PRKG1: variants seen among roughly 807,000 people sequenced by gnomAD.
PRKG1 encodes protein kinase cGMP-dependent 1.
PRKG1 carries 35 observed loss-of-function variants against 88.1 expected under a neutral mutation model. That is an observed-to-expected ratio of 0.40 (90% CI 0.30 to 0.53). The LOEUF is 0.53. Among genes scored for constraint, PRKG1 ranks in the 20% least tolerant of loss-of-function variants. The pLI, the probability that PRKG1 is intolerant of heterozygous loss-of-function variation, is 0.59. For missense variants in PRKG1, 540 were observed against 839.8 expected, an observed-to-expected ratio of 0.64 and a Z score of 4.41; for synonymous variants, 303 against 292.5, an observed-to-expected ratio of 1.04 and a Z score of -0.37.
chr10:51,716,822 G>A (rs1398289825), intron 3 of PRKG1, among the ~76,000 whole-genome samples: 1 of 152,026 alleles, frequency 6.6e-6, no homozygotes, highest in Non-Finnish European at 1.5e-5. Context: ...CCTCCCAAGT[G>A]ACTGGGATTA....
At chr10:52,060,477 C>G (rs1375918532) in intron 6 of PRKG1, among the ~76,000 whole-genome samples, 3 of 151,572 alleles carry the variant, frequency 2.0e-5, no homozygotes, top group Non-Finnish European at 4.4e-5. Flanking sequence ...GAATGAACAA[C>G]AACAAAAATA....
chr10:52,229,225 G>T (rs1156324897), intron 9 of PRKG1, among the ~76,000 whole-genome samples: 2 of 152,148 alleles, frequency 1.3e-5, no homozygotes, highest in Non-Finnish European at 2.9e-5. Context: ...CATTATAAAA[G>T]ACCTTTTTAT....
rs141536801 is a variant in PRKG1, at chr10:51,730,253, A to C, written c.593-74332A>C. ...TCTCAACCTAGAGCACTAATAGTTAAAGTTTGGTAGCCTCAAGCCTTTGCA... is the reference window on the plus strand; with the variant it reads ...TCTCAACCTAGAGCACTAATAGTTACAGTTTGGTAGCCTCAAGCCTTTGCA... On this transcript the variant is annotated intron_variant, in intron 3 of 17. Transcript: ENST00000373980. Among the ~76,000 whole-genome samples the C allele has an allele frequency of 4.7e-4, 72 of 152,294 alleles. 1 individual carries two copies. The East Asian group carries it at 0.012, about 26-fold the overall frequency.
At chr10:51,390,776 C>T (rs973168043) in intron 2 of PRKG1, among the ~76,000 whole-genome samples, 5 of 152,064 alleles carry the variant, frequency 3.3e-5, no homozygotes, top group Non-Finnish European at 5.9e-5. Flanking sequence ...ATTATTACCA[C>T]GTATAATTTT....
intron 2 of PRKG1, among the ~76,000 whole-genome samples, chr10:51,232,509 G>A (rs1838870879): frequency 6.6e-6 from 1 of 151,840 alleles, no homozygotes; most frequent in Non-Finnish European, 1.5e-5. Flanking sequence ...AATTTCTCAA[G>A]CCCTATAACA....
At chr10:52,075,340 G>A (rs922672907) in intron 7 of PRKG1, among the ~76,000 whole-genome samples, 8 of 152,128 alleles carry the variant, frequency 5.3e-5, no homozygotes, top group Admixed American at 2.6e-4. Context: ...TACGCTCACC[G>A]CAATCCCAAT....
intron 5 of PRKG1, among the ~76,000 whole-genome samples, chr10:52,034,394 T>A (rs1845551979): frequency 1.5e-5 from 2 of 137,594 alleles, no homozygotes; most frequent in Non-Finnish European, 1.6e-5. Flanking sequence ...GGCCTTGTGG[T>A]AAGGGGTGAT....
At chr10:51,944,423 T>G (rs1391761004) in intron 5 of PRKG1, among the ~76,000 whole-genome samples, 1 of 152,044 alleles carries the variant, frequency 6.6e-6, no homozygotes, top group Non-Finnish European at 1.5e-5. Flanking sequence ...ATTCATTAAT[T>G]TTTTGAAGGG....
At chr10:51,563,891 G>C (rs2132154068) in intron 3 of PRKG1, among the ~76,000 whole-genome samples, 1 of 152,034 alleles carries the variant, frequency 6.6e-6, no homozygotes, top group East Asian at 1.9e-4. Context: ...CATCTCACTA[G>C]GACATATGTT....
At chr10:51,445,809 A>G (rs1167459844) in intron 2 of PRKG1, among the ~76,000 whole-genome samples, 1 of 151,896 alleles carries the variant, frequency 6.6e-6, no homozygotes, top group East Asian at 1.9e-4. Flanking sequence ...CTAACTGAAT[A>G]AGTAGGTTAA....
chr10:51,496,951 A>T (rs1429900985), intron 3 of PRKG1, among the ~76,000 whole-genome samples: 9 of 152,178 alleles, frequency 5.9e-5, no homozygotes, highest in African/African-American at 2.2e-4. Flanking sequence ...CCTTCATTCT[A>T]AACTGATTCC....
intron 4 of PRKG1, among the ~76,000 whole-genome samples, chr10:51,878,889 C>A (rs1465848505): frequency 2.6e-5 from 4 of 152,118 alleles, no homozygotes; most frequent in Non-Finnish European, 4.4e-5. Flanking sequence ...AGTGACAAAA[C>A]AAAGCATTTG....
At chr10:51,577,508 A>T (rs149866354) in intron 3 of PRKG1, among the ~76,000 whole-genome samples, 1 of 152,068 alleles carries the variant, frequency 6.6e-6, no homozygotes, top group African/African-American at 2.4e-5. Flanking sequence ...CGAAATGCTG[A>T]CTGGTGAAAA....
chr10:51,701,908 G>T (rs562521558), intron 3 of PRKG1, among the ~76,000 whole-genome samples: 2 of 152,106 alleles, frequency 1.3e-5, no homozygotes, highest in Admixed American at 1.3e-4. Context: ...GCTTTATCAG[G>T]TCTGGAGAAT....
chr10:51,747,002 T>G (rs978443245), intron 3 of PRKG1, among the ~76,000 whole-genome samples: 14 of 152,212 alleles, frequency 9.2e-5, no homozygotes, highest in African/African-American at 2.7e-4. Context: ...CTCCTGTCAT[T>G]CTTGATTCAC....
At chr10:51,112,530 A>G (rs756644490) in intron 1 of PRKG1, among the ~76,000 whole-genome samples, 8 of 152,158 alleles carry the variant, frequency 5.3e-5, no homozygotes, top group East Asian at 3.9e-4. Flanking sequence ...TTTGCCTTTC[A>G]TTAGATTCAT....
chr10:51,699,698 C>A (rs777381893), intron 3 of PRKG1: 2 of 803,982 alleles, frequency 2.5e-6, no homozygotes, highest in Non-Finnish European at 3.9e-6. Context: ...GCCTGTGGAA[C>A]CTGCATCCCA....
At chr10:51,207,742 G>A (rs1350612652) in intron 2 of PRKG1, among the ~76,000 whole-genome samples, 5 of 152,076 alleles carry the variant, frequency 3.3e-5, no homozygotes, top group East Asian at 1.9e-4. Flanking sequence ...ACTTTATAAC[G>A]TTTTTCTACT....
Position 52,193,548 on chromosome 10 carries a change from C to CAAAAA in PRKG1, c.1076+31595_1076+31599dup, listed in dbSNP as rs34730000. Among the ~76,000 whole-genome samples, 155 of 42,830 alleles carry CAAAAA rather than the reference C, an allele frequency of 3.6e-3. 6 individuals carry two copies. The highest frequency in any genetic ancestry group is 0.011 in the African/African-American group (145 of 13,540). 28.1% of individuals were successfully genotyped at this position (42,830 alleles called of 152,430 possible). ...GAACAAAAAGAGTGAGACTCTGTCT[C>CAAAAA]AAAAAAAAAAAAAACAAAAAAAAAA... On this transcript the variant is annotated intron_variant, in intron 9 of 17. Transcript: ENST00000373980.
Sources: gnomAD v4.1 joint callset for allele counts (sites outside exome capture counted in the v4.1 genomes callset) on GRCh38, gnomAD v4.1.1 for gene constraint, MANE v1.5 for transcripts, NCBI Gene and HGNC (gene_info 2026-07-23, HGNC 2026-07-21) for gene names.